Variants in SGPP2 observed in about 807,000 individuals in gnomAD.
The protein encoded by SGPP2 is sphingosine 1-phosphate phosphohydrolase 2.
Under a neutral mutation model 33.9 loss-of-function variants are expected in SGPP2, and 30 were observed. That is an observed-to-expected ratio of 0.89 (90% CI 0.66 to 1.20). The LOEUF (loss-of-function observed/expected upper bound fraction) is 1.20. Among genes scored for constraint, SGPP2 ranks in the 50% most tolerant of loss-of-function variants. SGPP2 has a pLI of 0.00. For missense variants in SGPP2, 458 were observed against 532.1 expected (o/e 0.86, Z 1.37); for synonymous variants, 233 against 225.0 (o/e 1.04, Z -0.32).
intron 2 of SGPP2, among the ~76,000 whole-genome samples, chr2:222,495,569 T>C (rs574173723): frequency 3.3e-5 from 5 of 152,190 alleles, no homozygotes; most frequent in African/African-American, 1.2e-4. Context: ...TTACTTGAGC[T>C]CTCTATGCTG....
At chr2:222,501,865 G>C (rs1698372764) in intron 2 of SGPP2, among the ~76,000 whole-genome samples, 1 of 152,186 alleles carries the variant, frequency 6.6e-6, no homozygotes, top group Non-Finnish European at 1.5e-5. Flanking sequence ...TTTGTTAAGG[G>C]TTGGGGTTTT....
intron 1 of SGPP2, chr2:222,452,857 A>G (rs1463532708): frequency 5.6e-6 from 9 of 1,608,092 alleles, no homozygotes; most frequent in Non-Finnish European, 6.8e-6. Flanking sequence ...CACCTCTTAG[A>G]TTTCATTCTC....
chr2:222,487,818 A>G (rs900448812), intron 2 of SGPP2, among the ~76,000 whole-genome samples: 2 of 152,128 alleles, frequency 1.3e-5, no homozygotes, highest in Non-Finnish European at 2.9e-5. Context: ...TGCAAATAGC[A>G]TGCAGTTTAT....
At chr2:222,452,095 G>T (rs1428939883) in intron 1 of SGPP2, among the ~76,000 whole-genome samples, 1 of 151,760 alleles carries the variant, frequency 6.6e-6, no homozygotes, top group African/African-American at 2.4e-5. Context: ...AAACCCTAAA[G>T]ATATCCAAAC....
At chr2:222,500,349 G>A (rs949686082) in intron 2 of SGPP2, among the ~76,000 whole-genome samples, 8 of 152,096 alleles carry the variant, frequency 5.3e-5, no homozygotes, top group African/African-American at 1.9e-4. Flanking sequence ...AGTTTTGAAG[G>A]AGAAGCAATA....
At chr2:222,518,523 G>A (rs529554389) in intron 2 of SGPP2, among the ~76,000 whole-genome samples, 5 of 152,338 alleles carry the variant, frequency 3.3e-5, no homozygotes, top group Non-Finnish European at 7.3e-5. Context: ...GAGTGAGGAA[G>A]AAGTAGGACT....
rs1421340569 is a variant in SGPP2 at position 222,521,952 on chromosome 2, G to A, written c.558+6G>A. ...CTACTATGGACAGATACCAGGTAAG[G>A]TGGCCTGGTTCTTCTTCCTACCCAC... On this transcript the variant is annotated splice_donor_region_variant and intron_variant, in intron 3 of 4. Coordinates refer to ENST00000321276, the MANE Select transcript of SGPP2 (RefSeq NM_152386.4). The A allele has an allele frequency of 2.0e-6, 3 of 1,505,448 alleles. No homozygotes were observed. Among genetic ancestry groups the A allele is most frequent in the Admixed American group, 2.4e-5 (1 of 42,186 alleles). The allele number at this position is 1,505,448 out of a possible 1,614,324, so 93.3% of individuals were successfully genotyped here. A position where few individuals can be genotyped will look rare whatever the true frequency, so the allele number is the denominator to read the frequency against.
intron 2 of SGPP2, among the ~76,000 whole-genome samples, chr2:222,489,184 C>T (rs1019150749): frequency 8.5e-5 from 13 of 152,178 alleles, no homozygotes; most frequent in African/African-American, 2.2e-4. Context: ...AGTAATTGCA[C>T]ACCTGTAACA....
At chr2:222,502,433 A>G (rs530503151) in intron 2 of SGPP2, among the ~76,000 whole-genome samples, 2 of 152,252 alleles carry the variant, frequency 1.3e-5, no homozygotes, top group East Asian at 3.9e-4. Context: ...TTGGTTTTCA[A>G]ATTTTTTTGG....
At chr2:222,555,012 TC>T (rs1005337247) in intron 4 of SGPP2, among the ~76,000 whole-genome samples, 4 of 151,564 alleles carry the variant, frequency 2.6e-5, no homozygotes, top group East Asian at 1.9e-4. Flanking sequence ...AGTCACAACA[TC>T]CCCCCCACCC....
chr2:222,490,411 A>G (rs1698178868), intron 2 of SGPP2, among the ~76,000 whole-genome samples: 1 of 152,100 alleles, frequency 6.6e-6, no homozygotes, highest in South Asian at 2.1e-4. Context: ...AAATTCCAAG[A>G]TTATGTACAT....
At chr2:222,508,888 C>T (rs748670809) in intron 2 of SGPP2, among the ~76,000 whole-genome samples, 1 of 152,008 alleles carries the variant, frequency 6.6e-6, no homozygotes, top group Non-Finnish European at 1.5e-5. Context: ...ATTAAAATTG[C>T]TTCTCCCAGC....
At chr2:222,510,161 T>C (rs968280585) in intron 2 of SGPP2, among the ~76,000 whole-genome samples, 2 of 152,336 alleles carry the variant, frequency 1.3e-5, no homozygotes, top group Non-Finnish European at 2.9e-5. Flanking sequence ...CTGAGAAGAA[T>C]GAGGCTACCA....
chr2:222,446,148 CA>C (rs1268754512), intron 1 of SGPP2, among the ~76,000 whole-genome samples: 1 of 152,130 alleles, frequency 6.6e-6, no homozygotes, highest in Non-Finnish European at 1.5e-5. Flanking sequence ...AATTTTAAAT[CA>C]GGGGGTAGCC....
rs908790219 is a variant in SGPP2, at chr2:222,476,236, A to G, written c.378+1510A>G. ...TTGTAGAACAAGTAGAATGGACTTG[A>G]TCAGGGGTCATAAATTCGAATGTTC... On this transcript the variant is annotated intron_variant, in intron 2 of 4. Coordinates refer to ENST00000321276, the MANE Select transcript of SGPP2 (RefSeq NM_152386.4). This position sits in a 1 kb window ranked among gnomAD's most constrained non-coding sequence, Gnocchi z 4.3. Among the ~76,000 whole-genome samples, 7 of 152,226 alleles carry G rather than the reference A, an allele frequency of 4.6e-5. No individual in the cohort carries two copies. Among genetic ancestry groups the G allele is most frequent in the African/African-American group, 1.7e-4 (7 of 41,530 alleles).
rs944026939 is a variant in SGPP2, at chr2:222,477,133, A to G, written c.378+2407A>G. Among the ~76,000 whole-genome samples the G allele has an allele frequency of 6.7e-6, 1 of 150,152 alleles. No individual in the cohort carries two copies. The highest frequency in any genetic ancestry group is 1.5e-5 in the Non-Finnish European group (1 of 67,392). Reference sequence around the variant, plus strand: ...TGTGTATATATGTGTATGTGTGTGTATATAGGTGTGTATATATCTGTGTGT... The same window carrying G: ...TGTGTATATATGTGTATGTGTGTGTGTATAGGTGTGTATATATCTGTGTGT... On this transcript the variant is annotated intron_variant, in intron 2 of 4. Coordinates refer to ENST00000321276, the MANE Select transcript of SGPP2 (RefSeq NM_152386.4). This position sits in a 1 kb window ranked among gnomAD's most constrained non-coding sequence, Gnocchi z 6.0.
intron 2 of SGPP2, among the ~76,000 whole-genome samples, chr2:222,505,122 G>A (rs1294696497): frequency 1.3e-5 from 2 of 152,132 alleles, no homozygotes; most frequent in Admixed American, 1.3e-4. Context: ...CAAAAATTTG[G>A]ATAGTGAGAG....
intron 2 of SGPP2, among the ~76,000 whole-genome samples, chr2:222,478,193 G>A (rs1276080588): frequency 1.3e-5 from 2 of 150,896 alleles, no homozygotes; most frequent in African/African-American, 4.9e-5. Flanking sequence ...AGGGAGAGAG[G>A]GAGGGAGGGA....
Position 222,558,449 on chromosome 2 carries a change from G to A in SGPP2, c.751G>A (p.Val251Met), listed in dbSNP as rs753492926. The A allele has an allele frequency of 3.7e-5, 59 of 1,614,070 alleles. No homozygotes were observed. The highest frequency in any genetic ancestry group is 4.5e-5 in the Non-Finnish European group (53 of 1,180,028). Residue 251 changes from valine to methionine, a missense_variant, in exon 5 of 5, where the codon GTG becomes ATG. Val to Met is a conservative substitution (Grantham distance 21). Coordinates refer to ENST00000321276, the MANE Select transcript of SGPP2 (RefSeq NM_152386.4). ...GGACTCGGCCAGCCCCCTCTTCCCCGTGTGTGTCATAGTTGTGCCATTCTT... is the reference window on the plus strand; with the variant it reads ...GGACTCGGCCAGCCCCCTCTTCCCCATGTGTGTCATAGTTGTGCCATTCTT... ...CLDSASPLFP[V>M]CVIVVPFFLC...
Sources: allele counts gnomAD v4.1 joint callset (sites outside exome capture counted in the v4.1 genomes callset), GRCh38; gene constraint gnomAD v4.1.1; non-coding constraint Gnocchi (gnomAD v3.1); transcripts MANE v1.5; gene names NCBI Gene and HGNC (gene_info 2026-07-23, HGNC 2026-07-21).